The following CTNNA2 variants were observed in gnomAD, a reference collection of about 807,000 sequenced individuals.
CTNNA2 encodes the protein catenin alpha 2.
A neutral mutation model predicts 101.0 loss-of-function variants in CTNNA2; 42 were observed. The ratio of observed to expected loss-of-function variants is 0.42; its 90% CI spans 0.32 to 0.54. The LOEUF is 0.54. CTNNA2 is among the 20% of genes least tolerant of loss of function. The pLI is 0.14. For synonymous variants in CTNNA2, 450 were observed against 456.4 expected, an observed-to-expected ratio of 0.99 and a Z score of 0.18; for missense variants, 871 against 1,223.1, an observed-to-expected ratio of 0.71 and a Z score of 4.29.
At chr2:79,687,620 G>A in intron 2 of CTNNA2, 1 of 689,138 alleles carries the variant, frequency 1.5e-6, no homozygotes, top group Non-Finnish European at 2.7e-6. Context: ...CTGTATTGCT[G>A]ACTGTCATCT....
intron 2 of CTNNA2, among the ~76,000 whole-genome samples, chr2:79,220,370 G>C (rs568242310): frequency 6.6e-6 from 1 of 152,174 alleles, no homozygotes; most frequent in Non-Finnish European, 1.5e-5. Flanking sequence ...CTGTTTACAA[G>C]TGTGGCTTTG....
chr2:79,853,974 A>G lies in CTNNA2; in HGVS notation c.299-4039A>G, dbSNP rs115144193. Among the ~76,000 whole-genome samples, 563 of 152,150 alleles carry G rather than the reference A, an allele frequency of 3.7e-3. 6 individuals carry two copies. Among genetic ancestry groups the G allele is most frequent in the African/African-American group, 0.013 (535 of 41,518 alleles). ...TGAGCCACCGCGCCCAGCCCATGCCATCCTTTTCTTGTGTTTATTATTACT... is the reference window on the plus strand; with the variant it reads ...TGAGCCACCGCGCCCAGCCCATGCCGTCCTTTTCTTGTGTTTATTATTACT... On this transcript the variant is annotated intron_variant, in intron 3 of 18. Coordinates refer to ENST00000402739, the MANE Select transcript of CTNNA2 (RefSeq NM_001282597.3).
At chr2:80,490,280 A>C (rs867902915) in intron 9 of CTNNA2, among the ~76,000 whole-genome samples, 8,946 of 55,288 alleles carry the variant, frequency 0.16, 33 homozygotes, top group Admixed American at 0.18. Context: ...TTCCCCCCCC[A>C]CCCCCCCCCC....
chr2:80,060,617 C>A (rs1405938874), intron 7 of CTNNA2, among the ~76,000 whole-genome samples: 2 of 152,094 alleles, frequency 1.3e-5, no homozygotes, highest in African/African-American at 4.8e-5. Context: ...ATATTGTTTT[C>A]TCTCTTTTTC....
intron 7 of CTNNA2, among the ~76,000 whole-genome samples, chr2:80,224,846 T>C (rs1573443768): frequency 6.6e-6 from 1 of 152,036 alleles, no homozygotes; most frequent in African/African-American, 2.4e-5. Flanking sequence ...CAGCTTTTTT[T>C]TTCTTTCCCA....
chr2:79,876,039 CT>C (rs1448458231), intron 6 of CTNNA2, among the ~76,000 whole-genome samples: 4 of 152,058 alleles, frequency 2.6e-5, no homozygotes, highest in African/African-American at 9.6e-5. Flanking sequence ...TGTGAAGGAC[CT>C]AAAAAGTCAA....
chr2:79,400,976 C>G (rs1446834755), intron 4 of CTNNA2, among the ~76,000 whole-genome samples: 1 of 151,864 alleles, frequency 6.6e-6, no homozygotes, highest in Non-Finnish European at 1.5e-5. Flanking sequence ...AAGAAAAACA[C>G]TATCAACTAA....
chr2:79,389,586 A>G (rs1233961389), intron 4 of CTNNA2, among the ~76,000 whole-genome samples: 1 of 152,194 alleles, frequency 6.6e-6, no homozygotes, highest in Non-Finnish European at 1.5e-5. Flanking sequence ...GGGCCAATTT[A>G]TTCAATAGAA....
At chr2:80,066,655 G>A (rs1004269492) in intron 7 of CTNNA2, among the ~76,000 whole-genome samples, 1 of 152,184 alleles carries the variant, frequency 6.6e-6, no homozygotes, top group Non-Finnish European at 1.5e-5. Context: ...AATTAGTGCA[G>A]CCATTATGCA....
intron 13 of CTNNA2, among the ~76,000 whole-genome samples, chr2:80,576,787 G>GAAA (rs1292269180): frequency 1.6e-5 from 2 of 123,122 alleles, no homozygotes; most frequent in African/African-American, 6.4e-5. Context: ...TGTCTCTACT[G>GAAA]AAAAAAAAAA....
intron 7 of CTNNA2, among the ~76,000 whole-genome samples, chr2:80,322,875 G>A (rs1678853627): frequency 6.6e-6 from 1 of 152,192 alleles, no homozygotes; most frequent in Non-Finnish European, 1.5e-5. Context: ...CCTGTGCCAT[G>A]GGCAAAAGAG....
At chr2:79,537,376 C>CCTTTCATG (rs1483688921) in intron 1 of CTNNA2, among the ~76,000 whole-genome samples, 1 of 152,186 alleles carries the variant, frequency 6.6e-6, no homozygotes, top group Non-Finnish European at 1.5e-5. Context: ...GCACTCCTAT[C>CCTTTCATG]CTTTCATGCC....
At chr2:79,545,221 C>A (rs1673658821) in intron 1 of CTNNA2, among the ~76,000 whole-genome samples, 1 of 152,106 alleles carries the variant, frequency 6.6e-6, no homozygotes, top group Admixed American at 6.6e-5. Context: ...AAAGTTATAT[C>A]CAGTGAAGGA....
At chr2:79,361,839 G>A (rs1558645718) in intron 3 of CTNNA2, among the ~76,000 whole-genome samples, 4 of 152,058 alleles carry the variant, frequency 2.6e-5, no homozygotes, top group South Asian at 2.1e-4. Context: ...GTGTTCTCAC[G>A]TTTTTCTGAC....
intron 12 of CTNNA2, among the ~76,000 whole-genome samples, chr2:80,560,425 T>G (rs1330742842): frequency 2.6e-5 from 4 of 152,182 alleles, no homozygotes; most frequent in Non-Finnish European, 4.4e-5. Context: ...ACAAATCAGT[T>G]AGTGCCTCTG....
At chr2:80,156,122 G>A (rs1428785978) in intron 7 of CTNNA2, among the ~76,000 whole-genome samples, 1 of 152,162 alleles carries the variant, frequency 6.6e-6, no homozygotes, top group African/African-American at 2.4e-5. Context: ...TTATAAGGCT[G>A]TAAACCCAAC....
At chr2:80,035,370 A>T (rs1017347065) in intron 7 of CTNNA2, among the ~76,000 whole-genome samples, 2 of 152,206 alleles carry the variant, frequency 1.3e-5, no homozygotes, top group African/African-American at 4.8e-5. Flanking sequence ...AAAATTGGGA[A>T]GATTAAATGA....
At position 79,757,003 on chromosome 2, in the gene CTNNA2, G is replaced by A. The variant is rs375596932; in HGVS notation, c.298+12421G>A. Among the ~76,000 whole-genome samples, 21 of 152,280 alleles carry A rather than the reference G, an allele frequency of 1.4e-4. No individual in the cohort carries two copies. In the East Asian group the frequency reaches 2.7e-3, roughly 20 times the overall value. ...AGCCACTTTGAAGGACAGTTTGGCA[G>A]TTTCTAAAATAAAACTAAACAGATT... is the stretch of plus-strand genomic sequence containing the variant. On this transcript the variant is annotated intron_variant, in intron 3 of 18. Transcript: ENST00000402739.
intron 7 of CTNNA2, among the ~76,000 whole-genome samples, chr2:79,940,878 T>G (rs1688110729): frequency 6.6e-6 from 1 of 152,220 alleles, no homozygotes; most frequent in Non-Finnish European, 1.5e-5. Flanking sequence ...GTATGGCTAC[T>G]CAAAAATCGA....
Sources: allele counts gnomAD v4.1 joint callset (sites outside exome capture counted in the v4.1 genomes callset), GRCh38; gene constraint gnomAD v4.1.1; transcripts MANE v1.5; gene names NCBI Gene and HGNC (gene_info 2026-07-23, HGNC 2026-07-21).